Variants in PCDHA2 observed in about 807,000 individuals in gnomAD.
PCDHA2 encodes protocadherin alpha-2.
A neutral mutation model predicts 66.0 loss-of-function variants in PCDHA2; 58 were observed. That is an observed-to-expected ratio of 0.88 (90% CI 0.71 to 1.09). PCDHA2 has a LOEUF of 1.09. Ranked by LOEUF, PCDHA2 falls within the 50% of genes least tolerant of loss-of-function variation. The probability of loss-of-function intolerance (pLI) is 0.00; values close to 1 mark genes in which losing one functional copy is unlikely to be tolerated. For missense variants in PCDHA2, 1,267 were observed against 1,242.3 expected (o/e 1.02, Z -0.30); for synonymous variants, 634 against 554.0 (o/e 1.14, Z -2.03).
intron 1 of PCDHA2, among the ~76,000 whole-genome samples, chr5:140,972,660 ATTTTTTTT>A (rs11350929): frequency 6.0e-5 from 7 of 117,270 alleles, no homozygotes; most frequent in African/African-American, 2.0e-4. Flanking sequence ...AAGAAACCAA[ATTTTTTTT>A]TTTTTTTTTT....
chr5:140,927,313 G>A (rs1229449253), intron 1 of PCDHA2: 6 of 1,614,074 alleles, frequency 3.7e-6, no homozygotes, highest in Admixed American at 3.3e-5. Context: ...GACGCCCGGA[G>A]CCCGCTTTAC....
At chr5:140,834,627 G>T (rs1773156912) in intron 1 of PCDHA2, 4 of 1,614,188 alleles carry the variant, frequency 2.5e-6, no homozygotes, top group Non-Finnish European at 3.4e-6. Context: ...TCTGCAGAAT[G>T]GCATTTTGTT....
chr5:140,869,697 G>T (rs552852780), intron 1 of PCDHA2: 1 of 1,613,410 alleles, frequency 6.2e-7, no homozygotes, highest in Admixed American at 1.7e-5. Flanking sequence ...TTTTAAAGAA[G>T]TCTCTGGATA....
chr5:140,822,104 A>G lies in PCDHA2; in HGVS notation c.2388+24752A>G, dbSNP rs1767195164. 8 of 1,614,140 alleles carry G rather than the reference A, an allele frequency of 5.0e-6. No individual in the cohort carries two copies. In the African/African-American group the frequency reaches 5.3e-5, roughly 11 times the overall value. On this transcript the variant is annotated intron_variant, in intron 1 of 3. Coordinates refer to ENST00000526136, the MANE Select transcript of PCDHA2 (RefSeq NM_018905.3). ...AGCATCCACCTGGAGGTGATCGTGG[A>G]CAGGCCGCTGCAGGTTTTCCATGTG...
At chr5:140,931,444 A>T (rs2087532526) in intron 1 of PCDHA2, among the ~76,000 whole-genome samples, 1 of 135,860 alleles carries the variant, frequency 7.4e-6, no homozygotes, top group Non-Finnish European at 1.6e-5. Context: ...TTAGCTATTT[A>T]AAAGGAAAAA....
chr5:140,809,094 C>A (rs782551783), intron 1 of PCDHA2: 2 of 1,613,968 alleles, frequency 1.2e-6, no homozygotes, highest in East Asian at 4.5e-5. Flanking sequence ...ACAACGCGTG[C>A]CCTGGACGAA....
At position 140,797,159 on chromosome 5, in the gene PCDHA2, G is replaced by T. The variant is rs781899428; in HGVS notation, c.2195G>T (p.Arg732Leu). ...RCSVPPTEGARAPGKPTLVCS... is the reference protein window; with the variant it reads ...RCSVPPTEGALAPGKPTLVCS... ...TCGGTGCCACCCACCGAGGGTGCGC[G>T]CGCGCCAGGAAAGCCCACGCTGGTG... The change falls in exon 1 of 4, where the codon CGC becomes CTC. Residue 732 changes from arginine (R) to leucine (L), a missense_variant. Physicochemically the swap from Arg to Leu is moderately radical, Grantham distance 102. Coordinates refer to ENST00000526136, the MANE Select transcript of PCDHA2 (RefSeq NM_018905.3). The T allele has an allele frequency of 6.2e-7, 1 of 1,613,998 alleles. No individual in the cohort carries two copies. The highest frequency in any genetic ancestry group is 2.2e-5 in the East Asian group (1 of 44,868).
intron 3 of PCDHA2, among the ~76,000 whole-genome samples, chr5:140,993,156 A>G (rs2097543367): frequency 6.6e-6 from 1 of 152,188 alleles, no homozygotes; most frequent in Admixed American, 6.5e-5. Context: ...TGGATTCTAA[A>G]TATTTGCCTT....
In PCDHA2 at chr5:140,843,704, C is replaced by T. The variant is rs930917896; in HGVS notation, c.2388+46352C>T. On this transcript the variant is annotated intron_variant, in intron 1 of 3. Transcript: ENST00000526136. ...CGAAGAGCAAGATTTAAATGTTGAT[C>T]ATGGCCTCAAAGTAAGTCCATTTAA... The T allele has an allele frequency of 1.2e-5, 19 of 1,580,086 alleles. 1 individual carries two copies. The highest frequency in any genetic ancestry group is 1.7e-5 in the Non-Finnish European group (19 of 1,151,352).
intron 1 of PCDHA2, among the ~76,000 whole-genome samples, chr5:140,898,600 G>A (rs2066865388): frequency 6.6e-6 from 1 of 152,184 alleles, no homozygotes; most frequent in Non-Finnish European, 1.5e-5. Context: ...TAGCCTTGTA[G>A]TATAGTTTGA....
intron 1 of PCDHA2, chr5:140,821,982 C>T (rs1317338643): frequency 3.7e-6 from 6 of 1,614,026 alleles, no homozygotes; most frequent in African/African-American, 2.7e-5. Context: ...CGTCCAAGGG[C>T]CGCGGGGACC....
chr5:141,005,701 CAAAAAAAAAAAA>C (rs59860837), intron 3 of PCDHA2, among the ~76,000 whole-genome samples: 139 of 7,794 alleles, frequency 0.018, no homozygotes, highest in African/African-American at 0.055. Context: ...AACTCCGTCT[CAAAAAAAAAAAA>C]AAAAAAAAAA....
chr5:140,801,841 T>C (rs1762797583), intron 1 of PCDHA2: 2 of 1,614,030 alleles, frequency 1.2e-6, no homozygotes, highest in Non-Finnish European at 8.5e-7. Context: ...ATAACAGCAA[T>C]TGATGGTGGG....
chr5:140,904,828 A>G (rs1196362639), intron 1 of PCDHA2, among the ~76,000 whole-genome samples: 7 of 151,794 alleles, frequency 4.6e-5, no homozygotes, highest in African/African-American at 1.7e-4. Flanking sequence ...GCATTTTTTT[A>G]TATGTTTCAT....
intron 1 of PCDHA2, among the ~76,000 whole-genome samples, chr5:140,941,319 C>CTT (rs70988781): frequency 9.6e-6 from 1 of 104,394 alleles, no homozygotes; most frequent in African/African-American, 3.7e-5. Flanking sequence ...TCTTCTTTCT[C>CTT]TTTTTTTTTT....
intron 1 of PCDHA2, chr5:140,876,844 C>T (rs200154646): frequency 1.2e-6 from 2 of 1,614,016 alleles, no homozygotes; most frequent in East Asian, 2.2e-5. Context: ...GTTCGCGCAG[C>T]CCGAGTACAC....
At chr5:141,000,414 TATATATA>T (rs1167743190) in intron 3 of PCDHA2, among the ~76,000 whole-genome samples, 31 of 99,528 alleles carry the variant, frequency 3.1e-4, no homozygotes, top group African/African-American at 9.8e-4. Context: ...TATATATATA[TATATATA>T]TTTTTTTTTT....
chr5:140,916,188 G>A (rs1288181230), intron 1 of PCDHA2, among the ~76,000 whole-genome samples: 2 of 152,208 alleles, frequency 1.3e-5, no homozygotes, highest in East Asian at 3.9e-4. Context: ...TCAAGGAAGT[G>A]GGCACCCCTC....
At chr5:140,801,284 C>T (rs533577285) in intron 1 of PCDHA2, 1 of 1,613,564 alleles carries the variant, frequency 6.2e-7, no homozygotes, top group Non-Finnish European at 8.5e-7. Flanking sequence ...TGGGGAGCGG[C>T]CAGCTCCACT....
Sources: gnomAD v4.1 joint callset for allele counts (sites outside exome capture counted in the v4.1 genomes callset) on GRCh38, gnomAD v4.1.1 for gene constraint, MANE v1.5 for transcripts, NCBI Gene and HGNC (gene_info 2026-07-23, HGNC 2026-07-21) for gene names.